Variants in PSMG4 observed in about 807,000 individuals in gnomAD.
PSMG4 encodes proteasome (prosome, macropain) assembly chaperone 4.
In PSMG4, 10 loss-of-function variants were observed where a neutral mutation model predicts 11.0. The observed-to-expected ratio is 0.91, with a 90% CI of 0.56 to 1.54. PSMG4 has a LOEUF of 1.54. Ranked by LOEUF, PSMG4 falls within the 40% of genes most tolerant of loss-of-function variation. PSMG4 has a pLI of 0.00. For synonymous variants in PSMG4, 95 were observed against 71.3 expected, an observed-to-expected ratio of 1.33 and a Z score of -1.68; for missense variants, 198 against 160.9, an observed-to-expected ratio of 1.23 and a Z score of -1.25.
At chr6:3,258,553 T>A (rs952957814), upstream of PSMG4, among the ~76,000 whole-genome samples, 2 of 152,232 alleles carry the variant, frequency 1.3e-5, no homozygotes, top group Admixed American at 6.5e-5. Context: ...TCAGTCTTTT[T>A]AAATTTTTAA....
At position 3,267,937 on chromosome 6, in the gene PSMG4, T is replaced by C; in HGVS notation, c.*225T>C. The stretch of plus-strand genomic sequence containing the variant: ...TACTTCCTCATTTGGCTGTGAGTGA[T>C]AGAGGGATGAAATGGGATTTTTGTT... On this transcript the variant is annotated 3_prime_UTR_variant, in exon 3 of 3. Coordinates refer to ENST00000438998, the MANE Select transcript of PSMG4 (RefSeq NM_001128591.2). The C allele has an allele frequency of 2.5e-6, 1 of 402,096 alleles. No homozygotes were observed. 24.9% of individuals were successfully genotyped at this position (402,096 alleles called of 1,614,324 possible).
At chr6:3,259,936 G>A (rs973472636) in intron 1 of PSMG4, among the ~76,000 whole-genome samples, 26 of 152,148 alleles carry the variant, frequency 1.7e-4, no homozygotes, top group Non-Finnish European at 7.3e-5. Flanking sequence ...TAAAACAACA[G>A]AGGTTTATTC....
At chr6:3,258,927 C>T (rs1287531831), upstream of PSMG4, 2 of 1,162,070 alleles carry the variant, frequency 1.7e-6, no homozygotes, top group Non-Finnish European at 2.2e-6. Context: ...AGCGAAAGCG[C>T]GCTCGGTCTC....
At chr6:3,264,463 G>T (rs1442683016) in intron 2 of PSMG4, 10 of 1,415,622 alleles carry the variant, frequency 7.1e-6, no homozygotes, top group Non-Finnish European at 8.4e-6. Flanking sequence ...CTGTGTCTCA[G>T]GCACAGGACC....
Position 3,267,335 on chromosome 6 carries a change from G to T in PSMG4, c.251-256G>T, listed in dbSNP as rs186195031. 2.2e-3 allele frequency: 690 copies of T among 310,822 alleles called. 2 individuals are homozygous for T. Among genetic ancestry groups the T allele is most frequent in the African/African-American group, 0.014 (654 of 47,010 alleles). The allele number at this position is 310,822 out of a possible 1,614,324, so 19.3% of individuals were successfully genotyped here. On this transcript the variant is annotated intron_variant, in intron 2 of 2. Coordinates refer to ENST00000438998, the MANE Select transcript of PSMG4 (RefSeq NM_001128591.2). ...GGGTGGGGCCCAGCAGCTGCCTCTC[G>T]AACAAGTTCCAGGGAGGCTGCTGAG... is the stretch of plus-strand genomic sequence containing the variant.
chr6:3,255,078 A>G (rs1458190150), upstream of PSMG4: 1 of 1,551,022 alleles, frequency 6.4e-7, no homozygotes. Flanking sequence ...ATATGCTTCT[A>G]TTCCTAAGAA....
chr6:3,254,419 G>A (rs1245082309), upstream of PSMG4, among the ~76,000 whole-genome samples: 5 of 151,218 alleles, frequency 3.3e-5, no homozygotes, highest in Non-Finnish European at 7.4e-5. Flanking sequence ...CACATCTGAG[G>A]AGGTATGGCT....
At chr6:3,264,374 A>G (rs886249041) in intron 2 of PSMG4, 21 of 1,531,028 alleles carry the variant, frequency 1.4e-5, no homozygotes, top group Non-Finnish European at 1.8e-5. Flanking sequence ...GCCTGTGGCC[A>G]GTGTGCACAG....
upstream of PSMG4, among the ~76,000 whole-genome samples, chr6:3,254,663 C>T (rs4997134): frequency 6.6e-6 from 1 of 151,720 alleles, no homozygotes; most frequent in Non-Finnish European, 1.5e-5. Flanking sequence ...TTTGTTCCTT[C>T]AAGCTGCGAA....
intron 1 of PSMG4, among the ~76,000 whole-genome samples, chr6:3,263,344 AATG>A (rs1422613931): frequency 2.0e-5 from 3 of 152,178 alleles, no homozygotes; most frequent in Admixed American, 6.5e-5. Flanking sequence ...CTGTAGCCTT[AATG>A]ATCTTGTTTG....
upstream of PSMG4, among the ~76,000 whole-genome samples, chr6:3,257,803 C>T (rs1008233735): frequency 2.0e-5 from 3 of 152,230 alleles, no homozygotes; most frequent in South Asian, 4.1e-4. Flanking sequence ...GATGATTTCA[C>T]TGGCTATAAC....
chr6:3,254,710 C>G (rs770751152), upstream of PSMG4, among the ~76,000 whole-genome samples: 1 of 152,132 alleles, frequency 6.6e-6, no homozygotes, highest in African/African-American at 2.4e-5. Flanking sequence ...GTGGGATGCG[C>G]CTGGACACCA....
At chr6:3,257,900 A>G (rs1283668104), upstream of PSMG4, among the ~76,000 whole-genome samples, 5 of 152,256 alleles carry the variant, frequency 3.3e-5, no homozygotes, top group East Asian at 9.6e-4. Context: ...TATTGACCTG[A>G]AAATTAACTG....
upstream of PSMG4, among the ~76,000 whole-genome samples, chr6:3,258,251 C>A (rs1412272443): frequency 2.6e-5 from 4 of 152,222 alleles, no homozygotes; most frequent in Non-Finnish European, 4.4e-5. Flanking sequence ...GGCACCTGTT[C>A]TTATTTGCAT....
In PSMG4 at chr6:3,259,151, C is replaced by G. The variant is rs1581546300; in HGVS notation, c.129C>G (p.Ala43=). The G allele has an allele frequency of 7.7e-7, 1 of 1,305,734 alleles. No individual in the cohort carries two copies. The highest frequency in any genetic ancestry group is 1.5e-5 in the African/African-American group (1 of 64,836). The allele number at this position is 1,305,734 out of a possible 1,614,324, so 80.9% of individuals were successfully genotyped here. A position where few individuals can be genotyped will look rare whatever the true frequency, so the allele number is the denominator to read the frequency against. Reference sequence around the variant, plus strand: ...ACTCGCTGTTCCTGTGGGTGGGGGCCACGCCGCACCTGCGCAACCTCGCCG... The same window carrying G: ...ACTCGCTGTTCCTGTGGGTGGGGGCGACGCCGCACCTGCGCAACCTCGCCG... The part of the protein sequence containing the change: ...LTDSLFLWVG[A]TPHLRNLAVA... The change falls in exon 1 of 3, where the codon GCC becomes GCG. Residue 43 remains alanine (A), a synonymous_variant. Coordinates refer to ENST00000438998, the MANE Select transcript of PSMG4 (RefSeq NM_001128591.2).
At chr6:3,259,481 T>G (rs9501963) in intron 1 of PSMG4, among the ~76,000 whole-genome samples, 133,807 of 152,318 alleles carry the variant, frequency 0.88, 58,936 homozygotes, top group African/African-American at 0.9. Flanking sequence ...CGCCACACGC[T>G]CGCTGGGGGA....
At chr6:3,255,300 G>GA, upstream of PSMG4, 1 of 1,522,318 alleles carries the variant, frequency 6.6e-7, no homozygotes, top group Non-Finnish European at 8.8e-7. Flanking sequence ...CCCATCCTGG[G>GA]AGAGTGGTGG....
At chr6:3,266,039 G>T (rs1758169026) in intron 2 of PSMG4, 1 of 151,864 alleles carries the variant, frequency 6.6e-6, no homozygotes, top group Admixed American at 6.6e-5. Context: ...TCATAGGTGT[G>T]TTGGCTGCTT....
intron 2 of PSMG4, 182 bp downstream of exon 2, chr6:3,263,941 C>T: frequency 7.2e-7 from 1 of 1,393,178 alleles, no homozygotes; most frequent in Non-Finnish European, 9.5e-7. Context: ...CCATGCTCGC[C>T]TGTCATCACC....
Sources: gnomAD v4.1 joint callset for allele counts (sites outside exome capture counted in the v4.1 genomes callset) on GRCh38, gnomAD v4.1.1 for gene constraint, MANE v1.5 for transcripts, NCBI Gene and HGNC (gene_info 2026-07-23, HGNC 2026-07-21) for gene names.